The following NHS variants were observed in gnomAD, a reference collection of about 807,000 sequenced individuals.
NHS encodes actin remodeling regulator NHS.
NHS carries 5 observed loss-of-function variants against 72.5 expected under a neutral mutation model. The observed-to-expected ratio is 0.07, with a 90% CI of 0.04 to 0.14. The LOEUF (loss-of-function observed/expected upper bound fraction) is 0.14. NHS is among the 10% of genes least tolerant of loss of function. The pLI is 1.00. For synonymous variants in NHS, 464 were observed against 547.7 expected, an observed-to-expected ratio of 0.85 and a Z score of 2.13; for missense variants, 1,072 against 1,355.7, an observed-to-expected ratio of 0.79 and a Z score of 3.29.
At chrX:17,483,526 G>C (rs773967917) in intron 1 of NHS, among the ~76,000 whole-genome samples, 1 of 112,297 alleles carries the variant, frequency 8.9e-6, no homozygotes, top group East Asian at 2.8e-4. Context: ...ATATCTGTTT[G>C]TGGCTCTCTT....
At chrX:17,457,138 A>G (rs1028433419) in intron 1 of NHS, among the ~76,000 whole-genome samples, 1 of 112,411 alleles carries the variant, frequency 8.9e-6, no homozygotes, top group African/African-American at 3.2e-5. Flanking sequence ...CAATGAGCTC[A>G]GTCTTGATTC....
intron 1 of NHS, among the ~76,000 whole-genome samples, chrX:17,447,515 T>C: frequency 9.0e-6 from 1 of 111,116 alleles, no homozygotes; most frequent in Non-Finnish European, 1.9e-5. Flanking sequence ...TTTTTATTAG[T>C]GATGCTATTG....
chrX:17,655,446 C>G (rs1460214044), intron 1 of NHS, among the ~76,000 whole-genome samples: 1 of 112,762 alleles, frequency 8.9e-6, no homozygotes, highest in Non-Finnish European at 1.9e-5. Context: ...TCTAAGCTCA[C>G]AGGCCGGGCT....
chrX:17,546,743 A>G (rs905308666), intron 1 of NHS, among the ~76,000 whole-genome samples: 9 of 112,775 alleles, frequency 8.0e-5, no homozygotes, highest in African/African-American at 2.6e-4. Flanking sequence ...GGAATTAAAG[A>G]CACAGGGCTT....
At chrX:17,496,726 A>C (rs2065014200) in intron 1 of NHS, among the ~76,000 whole-genome samples, 1 of 111,638 alleles carries the variant, frequency 9.0e-6, no homozygotes, top group African/African-American at 3.3e-5. Context: ...TAATAATTTC[A>C]ACCTTTGTTA....
At chrX:17,637,990 A>C (rs1374606663) in intron 1 of NHS, among the ~76,000 whole-genome samples, 1 of 112,083 alleles carries the variant, frequency 8.9e-6, no homozygotes, top group African/African-American at 3.2e-5. Context: ...AAAAGTGGGA[A>C]TGTGACTCAA....
chrX:17,607,574 C>T (rs1372852230), intron 1 of NHS, among the ~76,000 whole-genome samples: 3 of 111,061 alleles, frequency 2.7e-5, no homozygotes, highest in Non-Finnish European at 5.7e-5. Flanking sequence ...GACTCCTTTC[C>T]CCCTGCCTAA....
chrX:17,551,636 C>T (rs901345381), intron 1 of NHS, among the ~76,000 whole-genome samples: 3 of 112,028 alleles, frequency 2.7e-5, no homozygotes, highest in Non-Finnish European at 5.6e-5. Context: ...CGGGGGGGCC[C>T]CTTGATGAAG....
chrX:17,506,565 A>ATAAG (rs371856730), intron 1 of NHS, among the ~76,000 whole-genome samples: 13,362 of 101,757 alleles, frequency 0.13, 1,341 homozygotes, highest in African/African-American at 0.17. Context: ...AAATAAATAA[A>ATAAG]TAAGTAAATA....
chrX:17,389,720 G>C (rs2064432167), intron 1 of NHS, among the ~76,000 whole-genome samples: 1 of 109,941 alleles, frequency 9.1e-6, no homozygotes, highest in Non-Finnish European at 1.9e-5. Flanking sequence ...TCCTGTGTCA[G>C]CCTCCCAAGT....
At chrX:17,640,039 G>C (rs2065873157) in intron 1 of NHS, among the ~76,000 whole-genome samples, 1 of 111,977 alleles carries the variant, frequency 8.9e-6, no homozygotes, top group African/African-American at 3.2e-5. Context: ...CTCTGAGTCT[G>C]AGGGGCATAG....
At chrX:17,581,178 T>G (rs1219176882) in intron 1 of NHS, among the ~76,000 whole-genome samples, 1 of 111,880 alleles carries the variant, frequency 8.9e-6, no homozygotes, top group African/African-American at 3.3e-5. Context: ...ATATCCCTCT[T>G]CACAGGGTGA....
intron 1 of NHS, among the ~76,000 whole-genome samples, chrX:17,581,671 A>T (rs894093372): frequency 1.8e-5 from 2 of 111,770 alleles, no homozygotes; most frequent in African/African-American, 3.3e-5. Flanking sequence ...GCTTGGAGGA[A>T]AGGCAGGCTG....
At chrX:17,554,596 G>A (rs1415866947) in intron 1 of NHS, among the ~76,000 whole-genome samples, 1 of 112,581 alleles carries the variant, frequency 8.9e-6, no homozygotes, top group Non-Finnish European at 1.9e-5. Context: ...TTCAACGGCT[G>A]GAGGTCTGTG....
At chrX:17,574,855 C>T (rs1027059041) in intron 1 of NHS, among the ~76,000 whole-genome samples, 1 of 111,761 alleles carries the variant, frequency 8.9e-6, no homozygotes, top group Non-Finnish European at 1.9e-5. Context: ...GTTCTAAATA[C>T]ATCTTAAATC....
At chrX:17,588,692 A>C (rs539557919) in intron 1 of NHS, among the ~76,000 whole-genome samples, 2 of 110,736 alleles carry the variant, frequency 1.8e-5, no homozygotes, top group African/African-American at 6.6e-5. Flanking sequence ...TGTGAAAGTG[A>C]GGCAGTTGGA....
intron 1 of NHS, among the ~76,000 whole-genome samples, chrX:17,418,213 A>G (rs759224491): frequency 6.2e-5 from 7 of 112,153 alleles, no homozygotes; most frequent in African/African-American, 1.6e-4. Flanking sequence ...GAGAAGGTAA[A>G]CAATGAGCTA....
At chrX:17,651,727 C>T (rs2065931746) in intron 1 of NHS, among the ~76,000 whole-genome samples, 1 of 112,385 alleles carries the variant, frequency 8.9e-6, no homozygotes, top group Non-Finnish European at 1.9e-5. Context: ...GCAAGGGAGG[C>T]TGGGAAATGT....
At chrX:17,580,706 A>T (rs1377696261) in intron 1 of NHS, among the ~76,000 whole-genome samples, 3 of 111,980 alleles carry the variant, frequency 2.7e-5, no homozygotes, top group Non-Finnish European at 5.6e-5. Context: ...TTCCCAAGTC[A>T]GTCTCCAAGG....
Sources: gnomAD v4.1 joint callset for allele counts (sites outside exome capture counted in the v4.1 genomes callset) on GRCh38, gnomAD v4.1.1 for gene constraint, MANE v1.5 for transcripts, NCBI Gene and HGNC (gene_info 2026-07-23, HGNC 2026-07-21) for gene names.